The following NTRK3 variants were observed in gnomAD, a reference collection of about 807,000 sequenced individuals.
NTRK3 encodes NT-3 growth factor receptor.
Under a neutral mutation model 91.7 loss-of-function variants are expected in NTRK3, and 24 were observed. The observed-to-expected ratio is 0.26, with a 90% CI of 0.19 to 0.37. The LOEUF (loss-of-function observed/expected upper bound fraction) is 0.37, where lower values mean the gene tolerates loss of function less well. Among genes scored for constraint, NTRK3 ranks in the 10% least tolerant of loss-of-function variants. NTRK3 has a pLI of 1.00. For missense variants in NTRK3, 880 were observed against 1,068.9 expected, an observed-to-expected ratio of 0.82 and a Z score of 2.46; for synonymous variants, 483 against 404.0, an observed-to-expected ratio of 1.20 and a Z score of -2.34.
chr15:87,964,422 G>C (rs1353037548), intron 14 of NTRK3, among the ~76,000 whole-genome samples: 1 of 150,760 alleles, frequency 6.6e-6, no homozygotes. Flanking sequence ...GCATCATTGA[G>C]TTCATACATG....
At chr15:88,106,243 G>A (rs1279183350) in intron 13 of NTRK3, among the ~76,000 whole-genome samples, 1 of 152,234 alleles carries the variant, frequency 6.6e-6, no homozygotes, top group Non-Finnish European at 1.5e-5. Flanking sequence ...CTTGGCTTCT[G>A]CCAAGTTCCC....
chr15:88,127,016 TTAAACTGCCTGAACG>T, intron 12 of NTRK3, 131 bp downstream of exon 12: 1 of 757,812 alleles, frequency 1.3e-6, no homozygotes. Flanking sequence ...CAAGGAAGGT[TTAAACTGCCTGAACG>T]TAGTTCAATT....
chr15:87,956,079 C>A (rs2071626103), intron 14 of NTRK3, among the ~76,000 whole-genome samples: 1 of 151,956 alleles, frequency 6.6e-6, no homozygotes, highest in African/African-American at 2.4e-5. Context: ...CTGGAGGGGT[C>A]AGGATAGACT....
At chr15:87,919,788 G>A (rs1259583454) in intron 17 of NTRK3, among the ~76,000 whole-genome samples, 1 of 152,200 alleles carries the variant, frequency 6.6e-6, no homozygotes, top group Non-Finnish European at 1.5e-5. Flanking sequence ...TAATGTAGAA[G>A]AGTCTGCTTC....
chr15:88,136,421 G>A (rs1436409988), intron 8 of NTRK3, 46 bp downstream of exon 8: 1 of 1,613,356 alleles, frequency 6.2e-7, no homozygotes, highest in Admixed American at 1.7e-5. Flanking sequence ...ACTACAGTGT[G>A]ATCACTCCCT....
At chr15:87,977,657 T>G (rs1436088201) in intron 14 of NTRK3, 6 of 232,016 alleles carry the variant, frequency 2.6e-5, no homozygotes, top group Non-Finnish European at 5.1e-5. Flanking sequence ...GGGAGCAGGA[T>G]GAGGAGAGCT....
At chr15:88,217,209 TAAAC>T (rs1457690719) in intron 3 of NTRK3, among the ~76,000 whole-genome samples, 2 of 152,186 alleles carry the variant, frequency 1.3e-5, no homozygotes, top group Non-Finnish European at 2.9e-5. Context: ...GTTCCCCAGT[TAAAC>T]AAAGAATTGC....
intron 16 of NTRK3, among the ~76,000 whole-genome samples, chr15:87,930,471 G>A (rs993011631): frequency 2.6e-5 from 4 of 152,178 alleles, no homozygotes; most frequent in African/African-American, 9.6e-5. Flanking sequence ...TACTATCTCC[G>A]GTGGGCTCTG....
At chr15:88,166,120 G>A (rs1597711231) in intron 5 of NTRK3, among the ~76,000 whole-genome samples, 2 of 152,254 alleles carry the variant, frequency 1.3e-5, no homozygotes, top group South Asian at 4.1e-4. Context: ...TAACAGAACA[G>A]ACCTGACCCT....
At chr15:87,898,102 A>G (rs918027620) in intron 17 of NTRK3, among the ~76,000 whole-genome samples, 4 of 152,228 alleles carry the variant, frequency 2.6e-5, no homozygotes, top group Non-Finnish European at 5.9e-5. Flanking sequence ...TCTTCCTTGA[A>G]AGATGCTAAT....
Position 87,892,072 on chromosome 15 carries a change from C to T in NTRK3, c.2134-11644G>A, listed in dbSNP as rs1384685639. Among the ~76,000 whole-genome samples the T allele has an allele frequency of 2.2e-5, 3 of 136,878 alleles. 1 individual carries two copies. 89.8% of individuals were successfully genotyped at this position (136,878 alleles called of 152,430 possible). ...GAGCCATCAATCCCTTGTCCAGTTG[C>T]CCCCATCCCCAACACACACACACAC... On this transcript the variant is annotated intron_variant, in intron 17 of 18. Transcript: ENST00000394480.
chr15:88,155,767 C>G (rs953170987), intron 5 of NTRK3, among the ~76,000 whole-genome samples: 2 of 152,068 alleles, frequency 1.3e-5, no homozygotes, highest in African/African-American at 4.8e-5. Context: ...GTTACTTAAC[C>G]CAATATATCC....
At chr15:88,093,936 T>A (rs893299973) in intron 13 of NTRK3, among the ~76,000 whole-genome samples, 2 of 152,112 alleles carry the variant, frequency 1.3e-5, no homozygotes, top group Admixed American at 6.5e-5. Context: ...CCCAATCCTA[T>A]GGGAAACTGA....
At chr15:88,086,699 C>A (rs547469545) in intron 13 of NTRK3, among the ~76,000 whole-genome samples, 1 of 152,194 alleles carries the variant, frequency 6.6e-6, no homozygotes, top group Admixed American at 6.5e-5. Context: ...TGTCTAGCGA[C>A]GGGCCCCATG....
intron 3 of NTRK3, among the ~76,000 whole-genome samples, chr15:88,226,532 C>T (rs2141656294): frequency 6.6e-6 from 1 of 152,328 alleles, no homozygotes; most frequent in African/African-American, 2.4e-5. Flanking sequence ...AAATTTCAGA[C>T]ACAAATTATT....
intron 14 of NTRK3, among the ~76,000 whole-genome samples, chr15:87,970,213 A>T (rs1164977858): frequency 6.6e-6 from 1 of 152,168 alleles, no homozygotes; most frequent in African/African-American, 2.4e-5. Context: ...CCACTAGATG[A>T]TGTCACCTCC....
rs2049033664 is a variant in NTRK3 at position 88,209,198 on chromosome 15, G to C, written c.249-24899C>G. On this transcript the variant is annotated intron_variant, in intron 3 of 18. Transcript: ENST00000394480. ...ATATATGCACCTTAATGGATGCATA[G>C]GAGTTTTCTAGACAGACAAGAGAAG... Among the ~76,000 whole-genome samples, 3 of 152,318 alleles carry C rather than the reference G, an allele frequency of 2.0e-5. No individual in the cohort carries two copies. In the South Asian group the frequency reaches 6.2e-4, roughly 32 times the overall value.
At chr15:88,075,555 C>T (rs530845390) in intron 13 of NTRK3, among the ~76,000 whole-genome samples, 1 of 151,182 alleles carries the variant, frequency 6.6e-6, no homozygotes, top group East Asian at 1.9e-4. Flanking sequence ...TTCACATTCC[C>T]TTCTTATAAG....
At chr15:87,933,038 C>T (rs2141954267) in exon 16 of NTRK3, 1 of 1,614,108 alleles carries the variant, frequency 6.2e-7, no homozygotes, top group African/African-American at 1.3e-5. Flanking sequence ...GGTCTCCATG[C>T]TTCATGTATT....
Sources: allele counts gnomAD v4.1 joint callset (sites outside exome capture counted in the v4.1 genomes callset), GRCh38; gene constraint gnomAD v4.1.1; transcripts MANE v1.5; gene names NCBI Gene and HGNC (gene_info 2026-07-23, HGNC 2026-07-21).